SORCS1: variants seen among roughly 807,000 people sequenced by gnomAD.
The protein encoded by SORCS1 is VPS10 domain-containing receptor SorCS1.
A neutral mutation model predicts 146.1 loss-of-function variants in SORCS1; 60 were observed. The observed-to-expected ratio is 0.41, with a 90% CI of 0.33 to 0.51. The LOEUF (loss-of-function observed/expected upper bound fraction) is 0.51. Ranked by LOEUF, SORCS1 falls within the 20% of genes least tolerant of loss-of-function variation. The probability of loss-of-function intolerance (pLI) is 0.21; values close to 1 mark genes in which losing one functional copy is unlikely to be tolerated. For missense variants in SORCS1, 1,352 were observed against 1,487.6 expected, an observed-to-expected ratio of 0.91 and a Z score of 1.50; for synonymous variants, 637 against 584.0, an observed-to-expected ratio of 1.09 and a Z score of -1.31.
intron 2 of SORCS1, among the ~76,000 whole-genome samples, chr10:106,924,044 C>T (rs552858291): frequency 3.9e-5 from 6 of 152,076 alleles, no homozygotes; most frequent in Non-Finnish European, 5.9e-5. Flanking sequence ...CATCTGAGGT[C>T]GGGAGTTCGA....
At chr10:106,827,965 C>G (rs996116187) in intron 3 of SORCS1, among the ~76,000 whole-genome samples, 2 of 152,192 alleles carry the variant, frequency 1.3e-5, no homozygotes, top group African/African-American at 2.4e-5. Context: ...AAGAAAATTT[C>G]TATCATCAAG....
chr10:106,711,901 G>A (rs1356602462), intron 6 of SORCS1, among the ~76,000 whole-genome samples: 4 of 152,112 alleles, frequency 2.6e-5, no homozygotes, highest in Admixed American at 2.0e-4. Context: ...AGTGACTTCT[G>A]TTTTCCAAAA....
intron 4 of SORCS1, among the ~76,000 whole-genome samples, chr10:106,767,556 T>C (rs778222768): frequency 7.2e-4 from 109 of 152,190 alleles, no homozygotes; most frequent in Non-Finnish European, 1.3e-3. Context: ...TGGCGCCATC[T>C]CGGCTCACTG....
intron 1 of SORCS1, among the ~76,000 whole-genome samples, chr10:107,002,831 T>C (rs971007376): frequency 6.6e-6 from 1 of 152,234 alleles, no homozygotes; most frequent in Non-Finnish European, 1.5e-5. Flanking sequence ...AAGTGCCAGA[T>C]GCCTTTTGTC....
intron 1 of SORCS1, among the ~76,000 whole-genome samples, chr10:107,153,989 A>T (rs187979273): frequency 2.7e-5 from 4 of 147,550 alleles, no homozygotes; most frequent in African/African-American, 5.0e-5. Context: ...TACTATTTCC[A>T]GTATATTTCT....
chr10:106,790,110 G>A lies in SORCS1; in HGVS notation c.727-13418C>T, dbSNP rs116589717. 6.1e-3 allele frequency among the ~76,000 whole-genome samples: 924 copies of A among 152,218 alleles called. 12 individuals are homozygous for A. Among genetic ancestry groups the A allele is most frequent in the African/African-American group, 0.021 (868 of 41,520 alleles). On this transcript the variant is annotated intron_variant, in intron 3 of 25. Coordinates refer to ENST00000263054, the MANE Select transcript of SORCS1 (RefSeq NM_052918.5). ...ACAATTCAAGATTAGATTTGGGTAG[G>A]GACACAAAGCCTAACCACATCATGG... is the stretch of plus-strand genomic sequence containing the variant.
intron 1 of SORCS1, among the ~76,000 whole-genome samples, chr10:107,152,122 T>C (rs1399845224): frequency 6.6e-6 from 1 of 152,180 alleles, no homozygotes; most frequent in Non-Finnish European, 1.5e-5. Context: ...GCTCAGGCCA[T>C]TGCTTCAGAG....
upstream of SORCS1, among the ~76,000 whole-genome samples, chr10:107,167,664 A>G (rs558889486): frequency 5.9e-5 from 9 of 152,310 alleles, no homozygotes; most frequent in East Asian, 1.7e-3. Flanking sequence ...CAAGATGAAA[A>G]TAATAGAATT....
At chr10:106,973,634 T>C (rs766910649) in intron 1 of SORCS1, among the ~76,000 whole-genome samples, 7 of 152,182 alleles carry the variant, frequency 4.6e-5, no homozygotes, top group Non-Finnish European at 8.8e-5. Context: ...AAAAAATCTA[T>C]TTTCTTGAAA....
In SORCS1 at chr10:106,591,640, T is replaced by C. The variant is rs1264766523; in HGVS notation, c.3265+5711A>G. On this transcript the variant is annotated intron_variant, in intron 24 of 25. Coordinates refer to ENST00000263054, the MANE Select transcript of SORCS1 (RefSeq NM_052918.5). ...AAATGATGAAGATGATATAAAGATA[T>C]ATGAAGAAGCTGATATAAAGACATG... 2.0e-5 allele frequency among the ~76,000 whole-genome samples: 3 copies of C among 152,146 alleles called. No homozygotes were observed. In the East Asian group the frequency reaches 5.8e-4, roughly 29 times the overall value.
intron 2 of SORCS1, among the ~76,000 whole-genome samples, chr10:106,838,802 C>T (rs961638567): frequency 6.6e-6 from 1 of 152,192 alleles, no homozygotes; most frequent in African/African-American, 2.4e-5. Flanking sequence ...GTGCTCACTT[C>T]ATGTCTCTGT....
chr10:107,138,175 A>G (rs1967494841), intron 1 of SORCS1, among the ~76,000 whole-genome samples: 1 of 152,166 alleles, frequency 6.6e-6, no homozygotes, highest in Non-Finnish European at 1.5e-5. Flanking sequence ...TGAATCCTCT[A>G]TCTCCTAAAT....
intron 3 of SORCS1, among the ~76,000 whole-genome samples, chr10:106,781,558 A>G (rs1422810434): frequency 6.6e-6 from 1 of 152,224 alleles, no homozygotes; most frequent in Non-Finnish European, 1.5e-5. Context: ...CCAGTTATCT[A>G]CTGCTACCCA....
At chr10:106,949,080 C>T (rs1271662619) in intron 2 of SORCS1, among the ~76,000 whole-genome samples, 1 of 152,174 alleles carries the variant, frequency 6.6e-6, no homozygotes, top group Non-Finnish European at 1.5e-5. Context: ...AGCCACAATC[C>T]AGAACACCTC....
At chr10:106,621,856 C>T (rs934486065) in intron 19 of SORCS1, among the ~76,000 whole-genome samples, 6 of 152,178 alleles carry the variant, frequency 3.9e-5, no homozygotes, top group African/African-American at 1.4e-4. Flanking sequence ...ATACTCTAAG[C>T]ACGTTCTCAC....
chr10:107,101,123 G>A (rs774646224), intron 1 of SORCS1, among the ~76,000 whole-genome samples: 11 of 152,194 alleles, frequency 7.2e-5, no homozygotes, highest in African/African-American at 1.9e-4. Context: ...GCAATGGCGC[G>A]ATCTCGGCTC....
At position 106,745,410 on chromosome 10, in the gene SORCS1, A is replaced by G. The variant is rs1425608731; in HGVS notation, c.960-15296T>C. On this transcript the variant is annotated intron_variant, in intron 5 of 25. Coordinates refer to ENST00000263054, the MANE Select transcript of SORCS1 (RefSeq NM_052918.5). Reference sequence around the variant, plus strand: ...TGGGCGACAGAGTGAGACAACGTCTAAAAAAAAAAAAAGAAAAGAAAAAGA... The same window carrying G: ...TGGGCGACAGAGTGAGACAACGTCTGAAAAAAAAAAAAGAAAAGAAAAAGA... 6.3e-5 allele frequency among the ~76,000 whole-genome samples: 9 copies of G among 142,810 alleles called. No homozygotes were observed. The East Asian group carries it at 1.6e-3, about 25-fold the overall frequency. The allele number at this position is 142,810 out of a possible 152,430, so 93.7% of individuals were successfully genotyped here.
At chr10:106,725,660 G>C (rs187721934) in intron 6 of SORCS1, among the ~76,000 whole-genome samples, 227 of 152,180 alleles carry the variant, frequency 1.5e-3, no homozygotes, top group African/African-American at 5.0e-3. Flanking sequence ...GCCAGCCATG[G>C]TGGCTCACGC....
intron 1 of SORCS1, among the ~76,000 whole-genome samples, chr10:107,018,331 C>T (rs370663782): frequency 1.1e-4 from 17 of 152,174 alleles, no homozygotes; most frequent in African/African-American, 2.6e-4. Flanking sequence ...CCCGCCACCA[C>T]GCCTGGCTAA....
Sources: allele counts gnomAD v4.1 joint callset (sites outside exome capture counted in the v4.1 genomes callset), GRCh38; gene constraint gnomAD v4.1.1; transcripts MANE v1.5; gene names NCBI Gene and HGNC (gene_info 2026-07-23, HGNC 2026-07-21).